The following GALNTL6 variants were observed in gnomAD, a reference collection of about 807,000 sequenced individuals.
The protein encoded by GALNTL6 is polypeptide N-acetylgalactosaminyltransferase-like 6.
A neutral mutation model predicts 73.7 loss-of-function variants in GALNTL6; 46 were observed. The observed-to-expected ratio is 0.62, with a 90% CI of 0.49 to 0.80. The LOEUF (loss-of-function observed/expected upper bound fraction) is 0.80, where lower values mean the gene tolerates loss of function less well. Ranked by LOEUF, GALNTL6 falls within the 30% of genes least tolerant of loss-of-function variation. GALNTL6 has a pLI of 0.00. For synonymous variants in GALNTL6, 259 were observed against 263.7 expected (o/e 0.98, Z 0.17); for missense variants, 604 against 755.0 (o/e 0.80, Z 2.34).
At chr4:172,129,487 A>G (rs980286802) in intron 2 of GALNTL6, among the ~76,000 whole-genome samples, 1 of 152,220 alleles carries the variant, frequency 6.6e-6, no homozygotes, top group African/African-American at 2.4e-5. Flanking sequence ...TTATCTCTCA[A>G]GATCATGCCC....
intron 5 of GALNTL6, among the ~76,000 whole-genome samples, chr4:172,619,250 C>T (rs1306888808): frequency 6.6e-6 from 1 of 152,244 alleles, no homozygotes; most frequent in East Asian, 1.9e-4. Context: ...ATCCTCTAGC[C>T]TTGATGCCAG....
chr4:172,721,097 A>C (rs1363562058), intron 5 of GALNTL6, among the ~76,000 whole-genome samples: 3 of 152,196 alleles, frequency 2.0e-5, no homozygotes, highest in Non-Finnish European at 4.4e-5. Flanking sequence ...CATAAAAAGG[A>C]TGATAAGATG....
At chr4:172,457,208 A>C (rs1235442083) in intron 5 of GALNTL6, among the ~76,000 whole-genome samples, 3 of 151,964 alleles carry the variant, frequency 2.0e-5, no homozygotes, top group Non-Finnish European at 4.4e-5. Context: ...GGAAGCACTA[A>C]ATATGGAAAA....
intron 10 of GALNTL6, among the ~76,000 whole-genome samples, chr4:173,001,576 G>C (rs1752047171): frequency 6.6e-6 from 1 of 152,088 alleles, no homozygotes; most frequent in South Asian, 2.1e-4. Context: ...AGAATGAAAA[G>C]GTAACCCACT....
At chr4:172,393,949 T>C (rs1743756931) in intron 5 of GALNTL6, among the ~76,000 whole-genome samples, 1 of 152,196 alleles carries the variant, frequency 6.6e-6, no homozygotes, top group South Asian at 2.1e-4. Flanking sequence ...GGAATATATA[T>C]TATTCCCACT....
intron 2 of GALNTL6, among the ~76,000 whole-genome samples, chr4:171,988,092 A>C (rs1579035644): frequency 1.3e-5 from 2 of 152,186 alleles, no homozygotes; most frequent in Non-Finnish European, 1.5e-5. Context: ...GGGCCTCTAA[A>C]ACTATTAAAG....
chr4:172,038,804 G>A (rs1459146019), intron 2 of GALNTL6, among the ~76,000 whole-genome samples: 1 of 152,108 alleles, frequency 6.6e-6, no homozygotes, highest in Non-Finnish European at 1.5e-5. Context: ...AGATGAAAGA[G>A]CAACAAGGAA....
At chr4:173,034,729 A>AC in intron 12 of GALNTL6, among the ~76,000 whole-genome samples, 1 of 151,782 alleles carries the variant, frequency 6.6e-6, no homozygotes, top group South Asian at 2.1e-4. Flanking sequence ...CACCCCTGGC[A>AC]CTCCAGGTCC....
chr4:172,249,323 T>C (rs1737769893), intron 3 of GALNTL6, among the ~76,000 whole-genome samples: 1 of 152,156 alleles, frequency 6.6e-6, no homozygotes, highest in Admixed American at 6.5e-5. Context: ...ATTTAGGGTA[T>C]CTGGCAGAAG....
chr4:171,866,878 C>T (rs534967022), intron 2 of GALNTL6, among the ~76,000 whole-genome samples: 1 of 152,162 alleles, frequency 6.6e-6, no homozygotes, highest in Non-Finnish European at 1.5e-5. Context: ...CTCCAAATAC[C>T]ATCACATTGG....
chr4:172,929,090 G>C (rs1748200494), intron 8 of GALNTL6, among the ~76,000 whole-genome samples: 1 of 152,124 alleles, frequency 6.6e-6, no homozygotes, highest in Non-Finnish European at 1.5e-5. Flanking sequence ...ATGTAGTTTA[G>C]ACTGTCCACT....
rs1266153746 is a variant in GALNTL6 at position 172,507,220 on chromosome 4, A to G, written c.553+158531A>G. Among the ~76,000 whole-genome samples the G allele has an allele frequency of 3.6e-5, 2 of 55,342 alleles. 1 individual carries two copies. Among genetic ancestry groups the G allele is most frequent in the Non-Finnish European group, 8.4e-5 (2 of 23,950 alleles). The allele number at this position is 55,342 out of a possible 152,430, so 36.3% of individuals were successfully genotyped here. A position where few individuals can be genotyped will look rare whatever the true frequency, so the allele number is the denominator to read the frequency against. ...CTTATGACCTACAGTCAAACAAGAT[A>G]AGTCAGATAATTTCTTTATAGCCAA... On this transcript the variant is annotated intron_variant, in intron 5 of 12. Transcript: ENST00000506823.
intron 5 of GALNTL6, among the ~76,000 whole-genome samples, chr4:172,625,650 A>C (rs1739139241): frequency 6.6e-6 from 1 of 152,086 alleles, no homozygotes; most frequent in African/African-American, 2.4e-5. Context: ...CAAATGTATA[A>C]GCGTTCCCTT....
chr4:171,817,887 G>A (rs1045602377), intron 2 of GALNTL6, among the ~76,000 whole-genome samples: 2 of 151,372 alleles, frequency 1.3e-5, no homozygotes, highest in Non-Finnish European at 3.0e-5. Context: ...GAGATTTTAA[G>A]ATTTTATAAA....
At chr4:172,350,181 G>A (rs2111219069) in intron 5 of GALNTL6, among the ~76,000 whole-genome samples, 1 of 152,168 alleles carries the variant, frequency 6.6e-6, no homozygotes, top group South Asian at 2.1e-4. Context: ...GGTACTAGGA[G>A]AAATAGGCCA....
At chr4:172,227,302 A>G (rs569731900) in intron 2 of GALNTL6, among the ~76,000 whole-genome samples, 1 of 152,302 alleles carries the variant, frequency 6.6e-6, no homozygotes, top group East Asian at 1.9e-4. Context: ...AGGGAAGATA[A>G]CTTCATTAAC....
At chr4:172,706,598 G>C (rs149664932) in intron 5 of GALNTL6, among the ~76,000 whole-genome samples, 227 of 152,192 alleles carry the variant, frequency 1.5e-3, no homozygotes, top group Non-Finnish European at 2.3e-3. Flanking sequence ...GAGTATGTCT[G>C]TCTGTGCAGG....
At chr4:171,959,436 A>G (rs1022842870) in intron 2 of GALNTL6, among the ~76,000 whole-genome samples, 9 of 152,224 alleles carry the variant, frequency 5.9e-5, no homozygotes, top group Non-Finnish European at 2.9e-5. Context: ...GAATAATTCT[A>G]ATATTTGTTA....
At chr4:172,782,716 G>T (rs1262365727) in intron 5 of GALNTL6, among the ~76,000 whole-genome samples, 1 of 151,984 alleles carries the variant, frequency 6.6e-6, no homozygotes, top group Non-Finnish European at 1.5e-5. Context: ...CAATTTTCCT[G>T]GGTTAAGATT....
Sources: allele counts gnomAD v4.1 joint callset (sites outside exome capture counted in the v4.1 genomes callset), GRCh38; gene constraint gnomAD v4.1.1; transcripts MANE v1.5; gene names NCBI Gene and HGNC (gene_info 2026-07-23, HGNC 2026-07-21).